The following SLC25A17 variants were observed in gnomAD, a reference collection of about 807,000 sequenced individuals.
SLC25A17 encodes the protein peroxisomal membrane protein PMP34.
Under a neutral mutation model 38.5 loss-of-function variants are expected in SLC25A17, and 26 were observed. The observed-to-expected ratio is 0.68, with a 90% confidence interval of 0.50 to 0.94. SLC25A17 has a LOEUF of 0.94. Among genes scored for constraint, SLC25A17 ranks in the 40% least tolerant of loss-of-function variants. The probability of loss-of-function intolerance (pLI) is 0.00; values close to 1 mark genes in which losing one functional copy is unlikely to be tolerated. For synonymous variants in SLC25A17, 139 were observed against 136.2 expected, an observed-to-expected ratio of 1.02 and a Z score of -0.14; for missense variants, 333 against 372.7, an observed-to-expected ratio of 0.89 and a Z score of 0.88.
chr22:40,791,750 T>A (rs571969484), intron 4 of SLC25A17, among the ~76,000 whole-genome samples: 1 of 152,216 alleles, frequency 6.6e-6, no homozygotes, highest in Admixed American at 6.5e-5. Context: ...TAAGTGTTAG[T>A]GAGGATGTGG....
At chr22:40,795,818 C>T (rs904792106) in intron 2 of SLC25A17, among the ~76,000 whole-genome samples, 2 of 151,948 alleles carry the variant, frequency 1.3e-5, no homozygotes, top group African/African-American at 4.8e-5. Flanking sequence ...GACGGAGTCT[C>T]GCTTTGTCGC....
At chr22:40,775,488 G>T (rs1403091689) in intron 7 of SLC25A17, among the ~76,000 whole-genome samples, 1 of 120,614 alleles carries the variant, frequency 8.3e-6, no homozygotes, top group East Asian at 2.3e-4. Flanking sequence ...ACGGAGTCTC[G>T]CTCTGTCGCC....
chr22:40,806,765 A>G (rs1310324505), intron 1 of SLC25A17, among the ~76,000 whole-genome samples: 1 of 152,178 alleles, frequency 6.6e-6, no homozygotes, highest in African/African-American at 2.4e-5. Context: ...GGCAGCCACT[A>G]ATCGGCTTTC....
chr22:40,773,764 T>C (rs1175735268), intron 8 of SLC25A17, among the ~76,000 whole-genome samples, 173 bp downstream of exon 8: 1 of 152,220 alleles, frequency 6.6e-6, no homozygotes, highest in Non-Finnish European at 1.5e-5. Context: ...CAAAATGCTG[T>C]CATACTGTAC....
chr22:40,783,658 T>A (rs546807753), intron 4 of SLC25A17, among the ~76,000 whole-genome samples: 53 of 152,192 alleles, frequency 3.5e-4, no homozygotes, highest in African/African-American at 1.2e-3. Context: ...TTAAAATATG[T>A]AGAGACAGCT....
chr22:40,771,283 TG>T (rs1392378375), intron 8 of SLC25A17, among the ~76,000 whole-genome samples: 2 of 152,112 alleles, frequency 1.3e-5, no homozygotes, highest in Non-Finnish European at 2.9e-5. Flanking sequence ...AATTTTTTTT[TG>T]TATTTTTAGT....
At chr22:40,804,735 G>A (rs991470379) in intron 1 of SLC25A17, among the ~76,000 whole-genome samples, 2 of 152,178 alleles carry the variant, frequency 1.3e-5, no homozygotes, top group South Asian at 4.1e-4. Context: ...GAGTGTGTGA[G>A]AAAAGGGTGG....
At chr22:40,812,358 T>C (rs138318) in intron 1 of SLC25A17, among the ~76,000 whole-genome samples, 108,794 of 152,148 alleles carry the variant, frequency 0.72, 40,048 homozygotes, top group African/African-American at 0.87. Flanking sequence ...GGCTTACAGA[T>C]AGAGTAAGAA....
At chr22:40,812,583 T>G (rs1031183769) in intron 1 of SLC25A17, among the ~76,000 whole-genome samples, 1 of 152,004 alleles carries the variant, frequency 6.6e-6, no homozygotes, top group South Asian at 2.1e-4. Flanking sequence ...AAACTAGTGG[T>G]GGGGGTAAAA....
At chr22:40,778,036 C>T (rs776305677) in intron 5 of SLC25A17, among the ~76,000 whole-genome samples, 2 of 152,046 alleles carry the variant, frequency 1.3e-5, no homozygotes, top group Non-Finnish European at 2.9e-5. Flanking sequence ...AAGATAAGAT[C>T]GTTTCCTAGA....
intron 2 of SLC25A17, among the ~76,000 whole-genome samples, chr22:40,798,766 A>G (rs2057453499): frequency 2.0e-5 from 3 of 151,512 alleles, no homozygotes; most frequent in Non-Finnish European, 4.4e-5. Context: ...GAGGAGTTCA[A>G]GACCAGTCTG....
At chr22:40,798,391 C>T (rs2057449285) in intron 2 of SLC25A17, 1 of 152,112 alleles carries the variant, frequency 6.6e-6, no homozygotes, top group African/African-American at 2.4e-5. Context: ...ACCTTTTCCC[C>T]ATCTGCCTCT....
In SLC25A17 at chr22:40,789,842, A is replaced by G. The variant is rs1310695198; in HGVS notation, c.334+2683T>C. Among the ~76,000 whole-genome samples the G allele has an allele frequency of 6.8e-6, 1 of 147,574 alleles. No individual in the cohort carries two copies. The highest frequency in any genetic ancestry group is 2.5e-5 in the African/African-American group (1 of 39,946). ...TTTTTTATAGAGATGGGGTCTTGCT[A>G]TGTTGCCCAGGCTGGTCTCAAACTG... On this transcript the variant is annotated intron_variant, in intron 4 of 8. Coordinates refer to ENST00000435456, the MANE Select transcript of SLC25A17 (RefSeq NM_006358.4). The surrounding 1 kb of genome is among the most constrained non-coding windows in gnomAD (Gnocchi z 4.5).
chr22:40,807,685 C>T (rs1212797598), intron 1 of SLC25A17, among the ~76,000 whole-genome samples: 1 of 152,066 alleles, frequency 6.6e-6, no homozygotes, highest in Non-Finnish European at 1.5e-5. Context: ...GGAGGCGGAA[C>T]TTGCAGTGAG....
At chr22:40,790,328 G>A (rs1289564681) in intron 4 of SLC25A17, among the ~76,000 whole-genome samples, 1 of 114,102 alleles carries the variant, frequency 8.8e-6, no homozygotes, top group African/African-American at 3.5e-5. Flanking sequence ...GCAACAGAGT[G>A]AGACACAATC....
At chr22:40,816,478 G>A (rs1477222134) in intron 1 of SLC25A17, among the ~76,000 whole-genome samples, 2 of 152,038 alleles carry the variant, frequency 1.3e-5, no homozygotes, top group East Asian at 1.9e-4. Context: ...CTGTGACAAC[G>A]GTACACAAAG....
intron 2 of SLC25A17, among the ~76,000 whole-genome samples, chr22:40,796,170 G>A (rs929240207): frequency 1.3e-5 from 2 of 152,218 alleles, no homozygotes; most frequent in Non-Finnish European, 2.9e-5. Context: ...GACAAGGACT[G>A]TGTTTTTCCT....
chr22:40,805,326 C>A (rs1357730553), intron 1 of SLC25A17, among the ~76,000 whole-genome samples: 1 of 152,240 alleles, frequency 6.6e-6, no homozygotes, highest in African/African-American at 2.4e-5. Context: ...ACACTCTAGC[C>A]TGGGCAACAG....
intron 2 of SLC25A17, among the ~76,000 whole-genome samples, chr22:40,795,032 C>T (rs761971288): frequency 6.6e-6 from 1 of 152,108 alleles, no homozygotes; most frequent in Non-Finnish European, 1.5e-5. Context: ...GGATTACAGG[C>T]GTGAGCCACC....
Sources: gnomAD v4.1 joint callset for allele counts (sites outside exome capture counted in the v4.1 genomes callset) on GRCh38, gnomAD v4.1.1 for gene constraint, Gnocchi (gnomAD v3.1) non-coding constraint, MANE v1.5 for transcripts, NCBI Gene and HGNC (gene_info 2026-07-23, HGNC 2026-07-21) for gene names.